TRAPPC9: variants seen among roughly 807,000 people sequenced by gnomAD.
The protein encoded by TRAPPC9 is trafficking protein particle complex subunit 9.
Under a neutral mutation model 124.0 loss-of-function variants are expected in TRAPPC9, and 83 were observed. The observed-to-expected ratio is 0.67, with a 90% CI of 0.56 to 0.80. TRAPPC9 has a LOEUF of 0.80. Ranked by LOEUF, TRAPPC9 falls within the 30% of genes least tolerant of loss-of-function variation. The probability of loss-of-function intolerance (pLI) is 0.00; values close to 1 mark genes in which losing one functional copy is unlikely to be tolerated. For missense variants in TRAPPC9, 1,302 were observed against 1,508.3 expected (o/e 0.86, Z 2.27); for synonymous variants, 638 against 617.5 (o/e 1.03, Z -0.49).
At chr8:139,900,197 C>T (rs1010071316) in intron 20 of TRAPPC9, among the ~76,000 whole-genome samples, 3 of 152,232 alleles carry the variant, frequency 2.0e-5, no homozygotes, top group East Asian at 1.9e-4. Flanking sequence ...ACCCTGAGCC[C>T]GTGTGCGTGT....
intron 21 of TRAPPC9, among the ~76,000 whole-genome samples, chr8:139,848,780 TC>T (rs1338073512): frequency 1.1e-4 from 16 of 152,140 alleles, no homozygotes; most frequent in Non-Finnish European, 2.1e-4. Context: ...GTCTTTCTCT[TC>T]CCCGTAGGCA....
At chr8:140,042,697 G>A (rs1314127055) in intron 17 of TRAPPC9, among the ~76,000 whole-genome samples, 1 of 152,218 alleles carries the variant, frequency 6.6e-6, no homozygotes, top group East Asian at 1.9e-4. Flanking sequence ...CAAAGCAAAG[G>A]TGGCAGAGCC....
intron 17 of TRAPPC9, among the ~76,000 whole-genome samples, chr8:140,069,036 C>T (rs1843009260): frequency 1.3e-5 from 2 of 152,118 alleles, no homozygotes; most frequent in African/African-American, 2.4e-5. Context: ...AGTCCAGTTC[C>T]CAGCACAAGC....
At chr8:140,441,165 G>A (rs1196082960) in intron 2 of TRAPPC9, among the ~76,000 whole-genome samples, 2 of 151,506 alleles carry the variant, frequency 1.3e-5, no homozygotes, top group Admixed American at 6.6e-5. Flanking sequence ...ATTTTTTGTA[G>A]AGATAGGGTC....
intron 20 of TRAPPC9, among the ~76,000 whole-genome samples, chr8:139,898,667 C>T (rs1255456405): frequency 6.6e-6 from 1 of 152,130 alleles, no homozygotes; most frequent in Non-Finnish European, 1.5e-5. Context: ...TTCATACCCG[C>T]CACATGTGAG....
chr8:140,024,110 A>G lies in TRAPPC9; in HGVS notation c.2557-31T>C, dbSNP rs368319338. Reference sequence around the variant, plus strand: ...AGATATTAAAAAAAAAAATACACACACACACATTAGTAACTCTCTAGTTTG... The same window carrying G: ...AGATATTAAAAAAAAAAATACACACGCACACATTAGTAACTCTCTAGTTTG... On this transcript the variant is annotated intron_variant, in intron 17 of 22. Transcript: ENST00000438773. 69 of 1,610,424 alleles carry G rather than the reference A, an allele frequency of 4.3e-5. No homozygotes were observed. In the African/African-American group the frequency reaches 8.7e-4, roughly 20 times the overall value.
At chr8:140,013,005 C>A (rs1452415547) in intron 18 of TRAPPC9, among the ~76,000 whole-genome samples, 1 of 152,202 alleles carries the variant, frequency 6.6e-6, no homozygotes, top group Non-Finnish European at 1.5e-5. Flanking sequence ...AGTTCCTTTA[C>A]ACACACTGAG....
intron 16 of TRAPPC9, among the ~76,000 whole-genome samples, chr8:140,224,901 C>G (rs765013566): frequency 6.6e-6 from 1 of 152,160 alleles, no homozygotes; most frequent in Admixed American, 6.6e-5. Flanking sequence ...ATGCAGAGAG[C>G]CCGGTAGGAG....
chr8:140,118,178 C>T (rs935993374), intron 17 of TRAPPC9, among the ~76,000 whole-genome samples: 13 of 152,266 alleles, frequency 8.5e-5, no homozygotes, highest in Admixed American at 4.6e-4. Context: ...GCTTTGATAC[C>T]GAGGAGCAAG....
Position 139,885,760 on chromosome 8 carries a change from G to T in TRAPPC9, c.3055+119C>A. The T allele has an allele frequency of 3.2e-6, 3 of 941,672 alleles. No homozygotes were observed. The South Asian group carries it at 4.3e-5, about 13-fold the overall frequency. The allele number at this position is 941,672 out of a possible 1,614,324, so 58.3% of individuals were successfully genotyped here. A position where few individuals can be genotyped will look rare whatever the true frequency, so the allele number is the denominator to read the frequency against. On this transcript the variant is annotated intron_variant, in intron 21 of 22. Coordinates refer to ENST00000438773, the MANE Select transcript of TRAPPC9 (RefSeq NM_001160372.4). Reference sequence around the variant, plus strand: ...TTTTTCCCCCAAGGTTTCCCGTGATGACCTTCAGTACCCACCAACATTTGG... The same window carrying T: ...TTTTTCCCCCAAGGTTTCCCGTGATTACCTTCAGTACCCACCAACATTTGG...
At chr8:139,999,749 C>A (rs1838269338) in intron 18 of TRAPPC9, among the ~76,000 whole-genome samples, 1 of 152,098 alleles carries the variant, frequency 6.6e-6, no homozygotes, top group African/African-American at 2.4e-5. Context: ...ACCTAGAAAT[C>A]AATGGTAGAA....
intron 21 of TRAPPC9, among the ~76,000 whole-genome samples, chr8:139,830,742 A>AG (rs557830672): frequency 8.3e-4 from 126 of 152,306 alleles, no homozygotes; most frequent in Non-Finnish European, 2.9e-4. Flanking sequence ...CACCTCTAGA[A>AG]GGGGCTGTGT....
intron 21 of TRAPPC9, among the ~76,000 whole-genome samples, chr8:139,764,103 G>A (rs1820419978): frequency 6.6e-6 from 1 of 152,210 alleles, no homozygotes; most frequent in African/African-American, 2.4e-5. Context: ...GTGATGGCAA[G>A]TACGGTGAGG....
chr8:139,989,179 C>T (rs1837463823), intron 18 of TRAPPC9, among the ~76,000 whole-genome samples: 1 of 152,214 alleles, frequency 6.6e-6, no homozygotes. Flanking sequence ...GAACACCTGA[C>T]TCTAAAGTCT....
intron 15 of TRAPPC9, among the ~76,000 whole-genome samples, chr8:140,274,671 A>G (rs1051084891): frequency 5.9e-5 from 9 of 152,136 alleles, no homozygotes; most frequent in African/African-American, 2.2e-4. Flanking sequence ...AAATTCTCCC[A>G]AGCTCAGCCC....
chr8:140,415,011 A>T (rs2069860127), intron 5 of TRAPPC9, among the ~76,000 whole-genome samples: 1 of 152,082 alleles, frequency 6.6e-6, no homozygotes, highest in South Asian at 2.1e-4. Context: ...AAGTACTGGG[A>T]TTACAGGCAT....
chr8:140,080,766 C>T (rs960284333), intron 17 of TRAPPC9, among the ~76,000 whole-genome samples: 5 of 152,230 alleles, frequency 3.3e-5, no homozygotes, highest in Non-Finnish European at 7.3e-5. Flanking sequence ...GCACCTGTCA[C>T]ACTCACAAAC....
chr8:140,427,092 A>ATTTTTT (rs11464909), intron 4 of TRAPPC9, among the ~76,000 whole-genome samples: 3 of 138,394 alleles, frequency 2.2e-5, no homozygotes, highest in Non-Finnish European at 3.1e-5. Flanking sequence ...CGACCGGCTA[A>ATTTTTT]TTTTTTTTTT....
intron 21 of TRAPPC9, among the ~76,000 whole-genome samples, chr8:139,736,998 G>A (rs988450450): frequency 1.3e-5 from 2 of 152,226 alleles, no homozygotes; most frequent in East Asian, 1.9e-4. Context: ...CAACCAGGAC[G>A]GACCTGGGAT....
Sources: gnomAD v4.1 joint callset for allele counts (sites outside exome capture counted in the v4.1 genomes callset) on GRCh38, gnomAD v4.1.1 for gene constraint, MANE v1.5 for transcripts, NCBI Gene and HGNC (gene_info 2026-07-23, HGNC 2026-07-21) for gene names.